Variants in EYS observed in about 807,000 individuals in gnomAD.
The protein encoded by EYS is EGF-like photoreceptor maintenance factor.
EYS carries 250 observed loss-of-function variants against 282.1 expected under a neutral mutation model. The ratio of observed to expected loss-of-function variants is 0.89; its 90% CI spans 0.80 to 0.98. EYS has a LOEUF of 0.98. Among genes scored for constraint, EYS ranks in the 50% least tolerant of loss-of-function variants. The pLI is 0.00. For missense variants in EYS, 4,016 were observed against 3,709.0 expected (o/e 1.08, Z -2.15); for synonymous variants, 1,355 against 1,282.9 (o/e 1.06, Z -1.20).
intron 19 of EYS, among the ~76,000 whole-genome samples, chr6:64,853,267 A>T (rs1006363360): frequency 6.6e-6 from 1 of 152,172 alleles, no homozygotes; most frequent in Non-Finnish European, 1.5e-5. Flanking sequence ...CTTATGTGAC[A>T]TGGTATACTA....
intron 41 of EYS, among the ~76,000 whole-genome samples, chr6:63,742,633 C>G (rs1769104836): frequency 6.6e-6 from 1 of 152,162 alleles, no homozygotes; most frequent in Admixed American, 6.5e-5. Flanking sequence ...AACAAAAACC[C>G]CTTTTTTCAG....
chr6:65,043,751 A>T (rs1773012354), intron 13 of EYS, among the ~76,000 whole-genome samples: 1 of 151,536 alleles, frequency 6.6e-6, no homozygotes, highest in African/African-American at 2.4e-5. Context: ...TTATGCATAT[A>T]TATATATGAC....
At chr6:64,100,693 A>G (rs1772795808) in intron 31 of EYS, among the ~76,000 whole-genome samples, 1 of 152,094 alleles carries the variant, frequency 6.6e-6, no homozygotes, top group Non-Finnish European at 1.5e-5. Context: ...GGCACTTCTT[A>G]TATTTCTAGT....
At chr6:64,921,852 TA>T (rs1314219241) in intron 15 of EYS, among the ~76,000 whole-genome samples, 2 of 151,896 alleles carry the variant, frequency 1.3e-5, no homozygotes, top group Non-Finnish European at 2.9e-5. Flanking sequence ...AGGACCAAGA[TA>T]AGAGCAGATA....
intron 24 of EYS, among the ~76,000 whole-genome samples, chr6:64,594,348 G>T (rs1225551537): frequency 6.6e-6 from 1 of 152,130 alleles, no homozygotes; most frequent in Non-Finnish European, 1.5e-5. Flanking sequence ...ACATACGTGT[G>T]CATGTGTCTT....
chr6:65,344,912 AT>A (rs1386891370), intron 9 of EYS, among the ~76,000 whole-genome samples: 1 of 151,760 alleles, frequency 6.6e-6, no homozygotes, highest in Non-Finnish European at 1.5e-5. Flanking sequence ...CAAACAAAAA[AT>A]ATTTGTCAGA....
intron 1 of EYS, among the ~76,000 whole-genome samples, chr6:65,669,349 A>G (rs1342549677): frequency 6.6e-6 from 1 of 151,972 alleles, no homozygotes; most frequent in Non-Finnish European, 1.5e-5. Context: ...TTAGTCATAC[A>G]AAAACACTTA....
At chr6:63,913,180 T>G (rs1764321811) in intron 35 of EYS, among the ~76,000 whole-genome samples, 1 of 152,234 alleles carries the variant, frequency 6.6e-6, no homozygotes, top group South Asian at 2.1e-4. Context: ...GTTATAAATG[T>G]CTCAGTTGTT....
At chr6:64,474,646 A>G (rs958934217) in intron 26 of EYS, among the ~76,000 whole-genome samples, 6 of 152,148 alleles carry the variant, frequency 3.9e-5, no homozygotes, top group Non-Finnish European at 8.8e-5. Context: ...GACATAGTAA[A>G]TTTTCATGTA....
At chr6:64,646,751 G>A (rs920573242) in intron 22 of EYS, among the ~76,000 whole-genome samples, 1 of 151,590 alleles carries the variant, frequency 6.6e-6, no homozygotes, top group Non-Finnish European at 1.5e-5. Context: ...CTTGCAGTAA[G>A]CTGAGATTGC....
At chr6:63,947,166 A>G (rs866222199) in intron 35 of EYS, among the ~76,000 whole-genome samples, 1 of 152,048 alleles carries the variant, frequency 6.6e-6, no homozygotes, top group South Asian at 2.1e-4. Context: ...TTATAATAAC[A>G]TTTGTATATT....
chr6:65,270,260 A>G (rs1044082095), intron 12 of EYS, among the ~76,000 whole-genome samples: 3 of 152,184 alleles, frequency 2.0e-5, no homozygotes, highest in Non-Finnish European at 2.9e-5. Flanking sequence ...CTAGCAAGGA[A>G]ACTCCAGGTG....
intron 2 of EYS, among the ~76,000 whole-genome samples, chr6:65,581,568 A>G (rs1379154220): frequency 1.3e-5 from 2 of 152,130 alleles, no homozygotes; most frequent in African/African-American, 4.8e-5. Flanking sequence ...TTGCTTTACA[A>G]CAATCCCTCC....
intron 36 of EYS, among the ~76,000 whole-genome samples, chr6:63,838,228 T>C (rs564489955): frequency 1.3e-3 from 191 of 152,212 alleles, no homozygotes; most frequent in Non-Finnish European, 2.1e-3. Context: ...CTTTTCTTTT[T>C]TTTTTTCTGT....
chr6:65,416,369 G>T (rs1482190318), intron 5 of EYS, among the ~76,000 whole-genome samples: 1 of 151,868 alleles, frequency 6.6e-6, no homozygotes, highest in African/African-American at 2.4e-5. Flanking sequence ...TTCTCCAAGT[G>T]TAAGTTATTA....
intron 2 of EYS, among the ~76,000 whole-genome samples, chr6:65,521,273 C>A (rs1211910774): frequency 6.6e-6 from 1 of 152,050 alleles, no homozygotes; most frequent in Non-Finnish European, 1.5e-5. Context: ...GCTCTAGAGT[C>A]AAAAACCCTG....
intron 2 of EYS, among the ~76,000 whole-genome samples, chr6:65,631,838 G>A (rs1365520012): frequency 6.6e-6 from 1 of 152,138 alleles, no homozygotes; most frequent in African/African-American, 2.4e-5. Context: ...TATTATGGAT[G>A]TTAGAGTTCC....
intron 14 of EYS, among the ~76,000 whole-genome samples, chr6:64,956,779 T>G (rs1769718519): frequency 6.6e-6 from 1 of 151,996 alleles, no homozygotes; most frequent in African/African-American, 2.4e-5. Context: ...GGCAAAAAAT[T>G]TCAACAGACA....
At chr6:64,124,060 T>C (rs1054200647) in intron 31 of EYS, among the ~76,000 whole-genome samples, 3 of 152,100 alleles carry the variant, frequency 2.0e-5, no homozygotes, top group Admixed American at 6.5e-5. Context: ...ATGTATAAAA[T>C]AGCAAGCCCC....
Sources: allele counts gnomAD v4.1 joint callset (sites outside exome capture counted in the v4.1 genomes callset), GRCh38; gene constraint gnomAD v4.1.1; transcripts MANE v1.5; gene names NCBI Gene and HGNC (gene_info 2026-07-23, HGNC 2026-07-21).